The following C7orf33 variants were observed in gnomAD, a reference collection of about 807,000 sequenced individuals.
C7orf33 encodes the protein uncharacterized protein C7orf33.
C7orf33 carries 15 observed loss-of-function variants against 13.4 expected under a neutral mutation model. The ratio of observed to expected loss-of-function variants is 1.12; its 90% CI spans 0.75 to 1.72. C7orf33 has a LOEUF of 1.72. C7orf33 is among the 40% of genes most tolerant of loss of function. The pLI is 0.00. For missense variants in C7orf33, 187 were observed against 220.3 expected, an observed-to-expected ratio of 0.85 and a Z score of 0.96; for synonymous variants, 73 against 83.2, an observed-to-expected ratio of 0.88 and a Z score of 0.67.
intron 2 of C7orf33, among the ~76,000 whole-genome samples, chr7:148,614,641 G>A (rs770797701): frequency 2.6e-5 from 4 of 152,114 alleles, no homozygotes; most frequent in African/African-American, 7.2e-5. Flanking sequence ...ATGCCATTTC[G>A]GAGCTGGCAT....
intron 1 of C7orf33, among the ~76,000 whole-genome samples, chr7:148,597,922 A>AT (rs1246079227): frequency 6.6e-6 from 1 of 151,864 alleles, no homozygotes; most frequent in Non-Finnish European, 1.5e-5. Context: ...TGCCCGGCTA[A>AT]TTTTTTGTAT....
At chr7:148,605,535 T>A (rs1003267981) in intron 1 of C7orf33, among the ~76,000 whole-genome samples, 3 of 152,184 alleles carry the variant, frequency 2.0e-5, no homozygotes, top group Non-Finnish European at 4.4e-5. Context: ...TAGCAATGCT[T>A]CTTCACCCCG....
In C7orf33 at chr7:148,599,519, G is replaced by C. The variant is rs1796389594; in HGVS notation, c.204+8390G>C. On this transcript the variant is annotated intron_variant, in intron 1 of 2. Coordinates refer to ENST00000307003, the MANE Select transcript of C7orf33 (RefSeq NM_145304.4). ...GACGGAGTCTTGCTCTATCGCCCAG[G>C]CTGGAGTGCAATGGCATGGTCTCAG... is the stretch of plus-strand genomic sequence containing the variant. 4.8e-5 allele frequency among the ~76,000 whole-genome samples: 7 copies of C among 145,852 alleles called. 1 individual carries two copies. The South Asian group carries it at 1.5e-3, about 32-fold the overall frequency.
intron 1 of C7orf33, among the ~76,000 whole-genome samples, chr7:148,598,749 TATATATATATATATAGAG>T (rs1275091909): frequency 9.3e-4 from 66 of 71,198 alleles, no homozygotes; most frequent in Middle Eastern, 6.8e-3. Flanking sequence ...TATATATATA[TATATATATATATATAGAG>T]AGAGAGAGAG....
chr7:148,597,102 ATGAATACAGC>A (rs1173811967), intron 1 of C7orf33, among the ~76,000 whole-genome samples: 1 of 152,010 alleles, frequency 6.6e-6, no homozygotes, highest in Non-Finnish European at 1.5e-5. Flanking sequence ...TGAGCCAATT[ATGAATACAGC>A]TGCTTACCAA....
intron 1 of C7orf33, among the ~76,000 whole-genome samples, chr7:148,592,396 A>G (rs1796280493): frequency 6.6e-6 from 1 of 152,262 alleles, no homozygotes; most frequent in Non-Finnish European, 1.5e-5. Context: ...AATGATGAAT[A>G]TAAATGATAA....
chr7:148,593,743 T>G (rs955288899), intron 1 of C7orf33, among the ~76,000 whole-genome samples: 5 of 152,094 alleles, frequency 3.3e-5, no homozygotes, highest in African/African-American at 1.2e-4. Context: ...TGGAGGGGAT[T>G]GTAGAAACGG....
chr7:148,598,749 TATATATATATATATAG>T (rs1307975997), intron 1 of C7orf33, among the ~76,000 whole-genome samples: 16 of 71,262 alleles, frequency 2.2e-4, no homozygotes, highest in Non-Finnish European at 3.2e-4. Context: ...TATATATATA[TATATATATATATATAG>T]AGAGAGAGAG....
At chr7:148,611,645 A>G (rs1796544880) in intron 1 of C7orf33, among the ~76,000 whole-genome samples, 2 of 152,222 alleles carry the variant, frequency 1.3e-5, no homozygotes, top group Non-Finnish European at 2.9e-5. Flanking sequence ...ACACTGGGCC[A>G]GAGCTCAGGG....
chr7:148,612,123 G>T (rs1796550715), intron 1 of C7orf33, among the ~76,000 whole-genome samples: 1 of 152,230 alleles, frequency 6.6e-6, no homozygotes, highest in Admixed American at 6.5e-5. Flanking sequence ...TCCCCAGTCA[G>T]ACCTTCTGAA....
intron 1 of C7orf33, among the ~76,000 whole-genome samples, chr7:148,612,756 T>G (rs1796558430): frequency 6.6e-6 from 1 of 151,890 alleles, no homozygotes; most frequent in African/African-American, 2.4e-5. Context: ...CTGGTGAGGA[T>G]GTGGAGAAAT....
At chr7:148,611,666 G>A (rs759130743) in intron 1 of C7orf33, among the ~76,000 whole-genome samples, 1 of 152,246 alleles carries the variant, frequency 6.6e-6, no homozygotes, top group Non-Finnish European at 1.5e-5. Flanking sequence ...AACAGAGGCT[G>A]TCACACTGGC....
intron 1 of C7orf33, among the ~76,000 whole-genome samples, chr7:148,594,304 T>C (rs926649601): frequency 6.6e-6 from 1 of 151,248 alleles, no homozygotes; most frequent in African/African-American, 2.4e-5. Flanking sequence ...GCCTCTCGAG[T>C]AGCTGGGACT....
intron 1 of C7orf33, among the ~76,000 whole-genome samples, chr7:148,605,531 T>C (rs1373984185): frequency 6.6e-6 from 1 of 152,236 alleles, no homozygotes; most frequent in Non-Finnish European, 1.5e-5. Context: ...ATCCTAGCAA[T>C]GCTTCTTCAC....
chr7:148,594,638 A>G (rs1796308427), intron 1 of C7orf33, among the ~76,000 whole-genome samples: 1 of 152,188 alleles, frequency 6.6e-6, no homozygotes, highest in Non-Finnish European at 1.5e-5. Flanking sequence ...TTTGCTTGGC[A>G]GAAGGAGGGT....
At chr7:148,597,965 C>T (rs1462936685) in intron 1 of C7orf33, among the ~76,000 whole-genome samples, 2 of 152,128 alleles carry the variant, frequency 1.3e-5, no homozygotes, top group Non-Finnish European at 2.9e-5. Context: ...CTGTGTTAGC[C>T]AGGATGATCT....
intron 1 of C7orf33, among the ~76,000 whole-genome samples, chr7:148,612,053 A>T (rs1796549999): frequency 6.6e-6 from 1 of 152,374 alleles, no homozygotes; most frequent in East Asian, 1.9e-4. Context: ...GGGCTTCATT[A>T]TAATGCCTGG....
At chr7:148,592,504 A>G (rs1374361511) in intron 1 of C7orf33, among the ~76,000 whole-genome samples, 1 of 149,984 alleles carries the variant, frequency 6.7e-6, no homozygotes, top group Non-Finnish European at 1.5e-5. Context: ...TGGAGCATAT[A>G]GGGTAGATAG....
At chr7:148,594,455 C>T (rs1050406638) in intron 1 of C7orf33, among the ~76,000 whole-genome samples, 4 of 152,086 alleles carry the variant, frequency 2.6e-5, no homozygotes, top group African/African-American at 4.8e-5. Flanking sequence ...GGATTACAGG[C>T]GTGAACCACC....
Sources: allele counts gnomAD v4.1 joint callset (sites outside exome capture counted in the v4.1 genomes callset), GRCh38; gene constraint gnomAD v4.1.1; transcripts MANE v1.5; gene names NCBI Gene and HGNC (gene_info 2026-07-23, HGNC 2026-07-21).